The following MINDY3 variants were observed in gnomAD, a reference collection of about 807,000 sequenced individuals.
The protein encoded by MINDY3 is ubiquitin carboxyl-terminal hydrolase MINDY-3.
MINDY3 carries 38 observed loss-of-function variants against 69.2 expected under a neutral mutation model. The observed-to-expected ratio is 0.55, with a 90% CI of 0.42 to 0.72. The LOEUF is 0.72. Among genes scored for constraint, MINDY3 ranks in the 30% least tolerant of loss-of-function variants. MINDY3 has a pLI of 0.00. For synonymous variants in MINDY3, 192 were observed against 180.1 expected (o/e 1.07, Z -0.53); for missense variants, 522 against 519.0 (o/e 1.01, Z -0.06).
At chr10:15,820,719 C>T (rs904939509) in intron 9 of MINDY3, among the ~76,000 whole-genome samples, 8 of 152,250 alleles carry the variant, frequency 5.3e-5, no homozygotes, top group East Asian at 1.9e-4. Flanking sequence ...GAAAAAGGAA[C>T]GCTGTCTGAC....
chr10:15,845,641 G>A (rs1367135991), intron 2 of MINDY3, among the ~76,000 whole-genome samples: 1 of 151,364 alleles, frequency 6.6e-6, no homozygotes, highest in African/African-American at 2.4e-5. Context: ...TAGGACTACA[G>A]GTGTGCACTA....
At chr10:15,814,672 C>A (rs1034833198) in intron 10 of MINDY3, among the ~76,000 whole-genome samples, 3 of 152,080 alleles carry the variant, frequency 2.0e-5, no homozygotes, top group Non-Finnish European at 4.4e-5. Flanking sequence ...ACAGCCCCTG[C>A]CCTAGACAAA....
intron 9 of MINDY3, among the ~76,000 whole-genome samples, chr10:15,818,547 T>C (rs1384979151): frequency 1.3e-5 from 2 of 152,176 alleles, no homozygotes; most frequent in Non-Finnish European, 2.9e-5. Context: ...AAAAAATTTG[T>C]ACATCAATGT....
intron 12 of MINDY3, 59 bp downstream of exon 12, chr10:15,789,188 G>C (rs1387303687): frequency 5.1e-6 from 7 of 1,375,918 alleles, no homozygotes; most frequent in Non-Finnish European, 7.2e-6. Flanking sequence ...TGTACAATAT[G>C]TCTTAAACTT....
intron 8 of MINDY3, among the ~76,000 whole-genome samples, chr10:15,831,752 T>G (rs764656456): frequency 5.3e-5 from 8 of 149,552 alleles, no homozygotes; most frequent in Non-Finnish European, 1.0e-4. Flanking sequence ...CTCAGCTCAC[T>G]GCAACCTCCG....
chr10:15,856,973 C>CA (rs1373673857), intron 1 of MINDY3, among the ~76,000 whole-genome samples: 1 of 152,144 alleles, frequency 6.6e-6, no homozygotes, highest in Non-Finnish European at 1.5e-5. Flanking sequence ...TCCTCAAACA[C>CA]AGCAGGCAGA....
chr10:15,814,336 C>CT (rs1839209619), intron 10 of MINDY3, among the ~76,000 whole-genome samples: 2 of 151,988 alleles, frequency 1.3e-5, no homozygotes, highest in Admixed American at 1.3e-4. Flanking sequence ...AAGAAAGTAT[C>CT]TATAGATACT....
intron 11 of MINDY3, among the ~76,000 whole-genome samples, chr10:15,795,078 C>CA: frequency 6.6e-6 from 1 of 151,836 alleles, no homozygotes; most frequent in East Asian, 1.9e-4. Context: ...ACATGAAAGC[C>CA]ATGTGTTTGG....
At chr10:15,794,025 G>A (rs140192525) in intron 11 of MINDY3, among the ~76,000 whole-genome samples, 14 of 152,172 alleles carry the variant, frequency 9.2e-5, no homozygotes, top group Admixed American at 2.0e-4. Context: ...TGTTAACAGC[G>A]TGACTGCAAA....
intron 1 of MINDY3, among the ~76,000 whole-genome samples, chr10:15,852,871 C>T (rs1287542216): frequency 6.6e-6 from 1 of 152,106 alleles, no homozygotes; most frequent in Admixed American, 6.5e-5. Context: ...TGGGTCTGTA[C>T]TAAACATGTA....
intron 1 of MINDY3, among the ~76,000 whole-genome samples, chr10:15,859,758 A>T (rs1443714789): frequency 6.6e-6 from 1 of 152,200 alleles, no homozygotes; most frequent in East Asian, 1.9e-4. Context: ...TGCTTTTTGG[A>T]ATTAGCCACT....
rs1837452416 is a variant in MINDY3 at position 15,791,930 on chromosome 10, T to C, written c.956-2611A>G. On this transcript the variant is annotated intron_variant, in intron 11 of 14. Coordinates refer to ENST00000277632, the MANE Select transcript of MINDY3 (RefSeq NM_024948.4). ...ATTTTAACAGAGATACTAGCTAAAC[T>C]GGACACTGCAGGAAGAGAAGCCAAA... Among the ~76,000 whole-genome samples the C allele has an allele frequency of 2.0e-5, 3 of 152,028 alleles. No individual in the cohort carries two copies. The South Asian group carries it at 6.2e-4, about 32-fold the overall frequency.
At chr10:15,833,209 C>T (rs985812649) in intron 8 of MINDY3, among the ~76,000 whole-genome samples, 1 of 152,092 alleles carries the variant, frequency 6.6e-6, no homozygotes. Context: ...TAAATTTGCT[C>T]GGTGTTTTAA....
chr10:15,837,233 G>C lies in MINDY3; in HGVS notation c.547C>G (p.Leu183Val), dbSNP rs1158693425. 6.2e-7 allele frequency: 1 copy of C among 1,603,388 alleles called. No homozygotes were observed. Among genetic ancestry groups the C allele is most frequent in the Non-Finnish European group, 8.5e-7 (1 of 1,173,272 alleles). The change falls in exon 6 of 15, where the codon CTT (leucine) becomes GTT (valine). Residue 183 changes from leucine to valine, a missense_variant. Physicochemically the swap from Leu to Val is conservative, Grantham distance 32. Coordinates refer to ENST00000277632, the MANE Select transcript of MINDY3 (RefSeq NM_024948.4). ...SMWGNKFGVL[L>V]FLYSVLLTKG... Reference sequence around the variant, plus strand: ...GTCAGTAATACAGAATACAGAAAAAGCAATACTCCAAATTTATTTCCCCAC... The same window carrying C: ...GTCAGTAATACAGAATACAGAAAAACCAATACTCCAAATTTATTTCCCCAC...
chr10:15,808,757 CAT>C (rs1167767990), intron 10 of MINDY3, among the ~76,000 whole-genome samples: 3 of 152,252 alleles, frequency 2.0e-5, no homozygotes, highest in African/African-American at 7.2e-5. Flanking sequence ...TCCGCACACA[CAT>C]AGAGCCCCTT....
chr10:15,845,041 C>T (rs1833730779), intron 2 of MINDY3, among the ~76,000 whole-genome samples: 2 of 151,246 alleles, frequency 1.3e-5, no homozygotes, highest in South Asian at 4.2e-4. Flanking sequence ...CCCTTTATTG[C>T]TAATATTTAC....
At chr10:15,809,331 C>A (rs930304014) in intron 10 of MINDY3, among the ~76,000 whole-genome samples, 1 of 152,118 alleles carries the variant, frequency 6.6e-6, no homozygotes, top group African/African-American at 2.4e-5. Context: ...CTAGTTTTTT[C>A]TTCTGAAATT....
At chr10:15,812,712 C>A (rs907879153) in intron 10 of MINDY3, among the ~76,000 whole-genome samples, 45 of 152,298 alleles carry the variant, frequency 3.0e-4, no homozygotes, top group African/African-American at 1.1e-3. Flanking sequence ...CTGAGAGGTA[C>A]CTCTTATTTC....
At chr10:15,812,915 T>C (rs529777062) in intron 10 of MINDY3, among the ~76,000 whole-genome samples, 2 of 152,282 alleles carry the variant, frequency 1.3e-5, no homozygotes, top group South Asian at 4.1e-4. Context: ...AGTCCTGTCA[T>C]TCTACCTCAG....
Sources: allele counts gnomAD v4.1 joint callset (sites outside exome capture counted in the v4.1 genomes callset), GRCh38; gene constraint gnomAD v4.1.1; transcripts MANE v1.5; gene names NCBI Gene and HGNC (gene_info 2026-07-23, HGNC 2026-07-21).